AGMO: variants seen among roughly 807,000 people sequenced by gnomAD.
AGMO encodes glyceryl-ether monooxygenase.
Under a neutral mutation model 60.2 loss-of-function variants are expected in AGMO, and 75 were observed. The ratio of observed to expected loss-of-function variants is 1.25; its 90% confidence interval spans 1.03 to 1.51. The LOEUF (loss-of-function observed/expected upper bound fraction) is 1.51, where lower values mean the gene tolerates loss of function less well. Among genes scored for constraint, AGMO ranks in the 40% most tolerant of loss-of-function variants. The pLI, the probability that AGMO is intolerant of heterozygous loss-of-function variation, is 0.00. For missense variants in AGMO, 763 were observed against 525.5 expected (o/e 1.45, Z -4.42); for synonymous variants, 261 against 177.1 (o/e 1.47, Z -3.76).
At position 15,473,126 on chromosome 7, in the gene AGMO, G is replaced by A. The variant is rs537868767; in HGVS notation, c.410-42018C>T. On this transcript the variant is annotated intron_variant, in intron 3 of 12. Coordinates refer to ENST00000342526, the MANE Select transcript of AGMO (RefSeq NM_001004320.2). ...CAAAGAATACTATAAACACTTCTAC[G>A]CAAATAAACTAGAAAATCTAGAAGA... Among the ~76,000 whole-genome samples the A allele has an allele frequency of 8.6e-5, 13 of 151,930 alleles. 1 individual carries two copies. Among genetic ancestry groups the A allele is most frequent in the Admixed American group, 3.9e-4 (6 of 15,222 alleles).
chr7:15,472,086 T>C (rs1782462852), intron 3 of AGMO, among the ~76,000 whole-genome samples: 1 of 151,876 alleles, frequency 6.6e-6, no homozygotes, highest in Non-Finnish European at 1.5e-5. Context: ...TTGAAAGGTG[T>C]ATTAAATTCT....
intron 10 of AGMO, among the ~76,000 whole-genome samples, chr7:15,367,364 T>A (rs1783028495): frequency 6.6e-6 from 1 of 152,080 alleles, no homozygotes; most frequent in South Asian, 2.1e-4. Flanking sequence ...GAACATCTAC[T>A]ATTTTACAGC....
At chr7:15,286,228 T>G (rs1186263193) in intron 12 of AGMO, among the ~76,000 whole-genome samples, 1 of 151,910 alleles carries the variant, frequency 6.6e-6, no homozygotes, top group African/African-American at 2.4e-5. Context: ...AAATAGGACC[T>G]AATTAAACGA....
At chr7:15,348,424 A>C (rs2128552740) in intron 12 of AGMO, among the ~76,000 whole-genome samples, 1 of 152,232 alleles carries the variant, frequency 6.6e-6, no homozygotes, top group Admixed American at 6.5e-5. Context: ...AAATGCTATT[A>C]CCAGAAAAAA....
At chr7:15,446,589 T>C (rs912766051) in intron 3 of AGMO, among the ~76,000 whole-genome samples, 1 of 152,202 alleles carries the variant, frequency 6.6e-6, no homozygotes, top group African/African-American at 2.4e-5. Flanking sequence ...TAAATGATTC[T>C]CAAATGCTAT....
chr7:15,220,000 A>AT (rs1021441504), intron 12 of AGMO, among the ~76,000 whole-genome samples: 2 of 151,880 alleles, frequency 1.3e-5, no homozygotes, highest in African/African-American at 4.8e-5. Context: ...CTTTTCTTCA[A>AT]TCCCACTTCT....
intron 6 of AGMO, among the ~76,000 whole-genome samples, chr7:15,393,668 C>A (rs530364609): frequency 2.0e-5 from 3 of 152,110 alleles, no homozygotes; most frequent in African/African-American, 7.2e-5. Flanking sequence ...TTGTTCAACG[C>A]CTTAGGCAGG....
chr7:15,352,927 T>C (rs1782306185), intron 12 of AGMO, among the ~76,000 whole-genome samples: 1 of 152,112 alleles, frequency 6.6e-6, no homozygotes, highest in Admixed American at 6.6e-5. Context: ...TTTACTTTCA[T>C]TTGGGGCATA....
intron 3 of AGMO, among the ~76,000 whole-genome samples, chr7:15,452,993 C>T (rs1162231688): frequency 6.6e-6 from 1 of 152,062 alleles, no homozygotes; most frequent in African/African-American, 2.4e-5. Context: ...TGAATGATTT[C>T]ATTTATATGA....
intron 3 of AGMO, among the ~76,000 whole-genome samples, chr7:15,477,256 G>A (rs1209618940): frequency 6.6e-6 from 1 of 151,988 alleles, no homozygotes; most frequent in East Asian, 1.9e-4. Flanking sequence ...TGTATAGAAA[G>A]ATATACATAA....
chr7:15,244,932 G>A (rs763011448), intron 12 of AGMO, among the ~76,000 whole-genome samples: 9 of 152,182 alleles, frequency 5.9e-5, no homozygotes, highest in African/African-American at 1.7e-4. Flanking sequence ...GATTACAGGC[G>A]TAAGCCACCA....
chr7:15,493,243 T>C (rs955484630), intron 3 of AGMO, among the ~76,000 whole-genome samples: 12 of 151,968 alleles, frequency 7.9e-5, no homozygotes, highest in South Asian at 2.1e-4. Context: ...TTTGTTTTTT[T>C]TGCGTTTTGT....
intron 3 of AGMO, among the ~76,000 whole-genome samples, chr7:15,523,324 A>G (rs1784049562): frequency 1.3e-5 from 2 of 152,200 alleles, no homozygotes; most frequent in African/African-American, 4.8e-5. Context: ...TAGCAATCCC[A>G]TTACTGGGTA....
intron 3 of AGMO, among the ~76,000 whole-genome samples, chr7:15,437,804 T>G (rs1781443124): frequency 6.6e-6 from 1 of 152,190 alleles, no homozygotes; most frequent in Non-Finnish European, 1.5e-5. Flanking sequence ...CCTCACAAAG[T>G]GCTGAGATTA....
intron 12 of AGMO, among the ~76,000 whole-genome samples, chr7:15,236,779 A>C (rs1417098439): frequency 6.6e-6 from 1 of 152,052 alleles, no homozygotes; most frequent in African/African-American, 2.4e-5. Flanking sequence ...GAACAAAAAA[A>C]AATGGAGTCT....
At chr7:15,250,812 G>A (rs1782908531) in intron 12 of AGMO, among the ~76,000 whole-genome samples, 1 of 151,948 alleles carries the variant, frequency 6.6e-6, no homozygotes, top group Non-Finnish European at 1.5e-5. Flanking sequence ...CGGCATGGTG[G>A]CAGGTGCCTG....
At chr7:15,415,518 G>A (rs1051501569) in intron 5 of AGMO, among the ~76,000 whole-genome samples, 1 of 151,798 alleles carries the variant, frequency 6.6e-6, no homozygotes, top group African/African-American at 2.4e-5. Context: ...ACTCCAGCCT[G>A]GCAACAGAGT....
At chr7:15,333,151 G>C (rs924146346) in intron 12 of AGMO, among the ~76,000 whole-genome samples, 11 of 152,234 alleles carry the variant, frequency 7.2e-5, no homozygotes, top group African/African-American at 2.6e-4. Flanking sequence ...ATTTATTACA[G>C]AGCACCACTT....
chr7:15,547,607 A>T (rs1345360476), intron 2 of AGMO, among the ~76,000 whole-genome samples: 4 of 152,072 alleles, frequency 2.6e-5, no homozygotes. Context: ...CGCTTTTCGG[A>T]CCGGCTTAAA....
Sources: gnomAD v4.1 joint callset for allele counts (sites outside exome capture counted in the v4.1 genomes callset) on GRCh38, gnomAD v4.1.1 for gene constraint, MANE v1.5 for transcripts, NCBI Gene and HGNC (gene_info 2026-07-23, HGNC 2026-07-21) for gene names.